DKKL1: variants seen among roughly 807,000 people sequenced by gnomAD.
The protein encoded by DKKL1 is dickkopf-like protein 1.
Under a neutral mutation model 16.5 loss-of-function variants are expected in DKKL1, and 11 were observed. The ratio of observed to expected loss-of-function variants is 0.67; its 90% CI spans 0.42 to 1.10. DKKL1 has a LOEUF of 1.10. DKKL1 is among the 50% of genes least tolerant of loss of function. The probability of loss-of-function intolerance (pLI) is 0.00; values close to 1 mark genes in which losing one functional copy is unlikely to be tolerated. For synonymous variants in DKKL1, 119 were observed against 133.2 expected (o/e 0.89, Z 0.73); for missense variants, 320 against 308.1 (o/e 1.04, Z -0.29).
intron 4 of DKKL1, among the ~76,000 whole-genome samples, chr19:49,367,634 G>A (rs1219904454): frequency 2.0e-5 from 3 of 151,998 alleles, no homozygotes; most frequent in African/African-American, 7.2e-5. Context: ...TTGAACTCCT[G>A]ACCTCAGGTG....
chr19:49,368,816 G>A (rs1973360917), intron 4 of DKKL1: 1 of 152,082 alleles, frequency 6.6e-6, no homozygotes, highest in South Asian at 2.1e-4. Flanking sequence ...AGTACCTTCT[G>A]TGTCCTTGTA....
upstream of DKKL1, chr19:49,363,650 G>T: frequency 2.6e-6 from 1 of 391,514 alleles, no homozygotes; most frequent in Non-Finnish European, 4.9e-6. Flanking sequence ...CCAGGACTGA[G>T]GTCAACTGAC....
Position 49,365,607 on chromosome 19 carries a change from G to A in DKKL1, c.282G>A (p.Gln94=), listed in dbSNP as rs748798280. The A allele has an allele frequency of 1.4e-5, 23 of 1,613,666 alleles. No homozygotes were observed. The highest frequency in any genetic ancestry group is 1.9e-5 in the Non-Finnish European group (23 of 1,179,840). ...ACAAAGAGGAGAACCAGGAGCACCA[G>A]CTGGGGAACAACACCCTCTCCAGCC... The part of the protein sequence containing the change: ...NYHKEENQEH[Q]LGNNTLSSHL... Residue 94 remains glutamine, a synonymous_variant, in exon 3 of 5, where the codon CAG becomes CAA. Coordinates refer to ENST00000221498, the MANE Select transcript of DKKL1 (RefSeq NM_014419.4).
chr19:49,373,848 C>G (rs916691567), intron 4 of DKKL1, among the ~76,000 whole-genome samples: 1 of 152,160 alleles, frequency 6.6e-6, no homozygotes, highest in South Asian at 2.1e-4. Context: ...ACTGATTCAG[C>G]AGGTCTGAGT....
At chr19:49,370,126 A>G (rs1382984344) in intron 4 of DKKL1, 2 of 152,260 alleles carry the variant, frequency 1.3e-5, no homozygotes, top group Non-Finnish European at 2.9e-5. Flanking sequence ...CTGGAAGGAT[A>G]CCAAGCCAGT....
upstream of DKKL1, chr19:49,363,724 T>G (rs1600825607): frequency 5.6e-6 from 3 of 535,368 alleles, no homozygotes. Context: ...GCTTAAGGGG[T>G]GTGGTGAACG....
rs184418744 is a variant in DKKL1, at chr19:49,370,640, A to G, written c.418-4077A>G. Reference sequence around the variant, plus strand: ...GACCTCACCAACGAAAGCTCACATGAGGATGCTCCACTGGATCTGAATGCC... The same window carrying G: ...GACCTCACCAACGAAAGCTCACATGGGGATGCTCCACTGGATCTGAATGCC... On this transcript the variant is annotated intron_variant, in intron 4 of 4. Transcript: ENST00000221498. The G allele has an allele frequency of 2.2e-3, 331 of 152,362 alleles. 2 individuals carry two copies. The highest frequency in any genetic ancestry group is 7.4e-3 in the African/African-American group (308 of 41,590). 9.4% of individuals were successfully genotyped at this position (152,362 alleles called of 1,614,324 possible).
rs1973652949 is a variant in DKKL1, at chr19:49,374,705, C to A, written c.418-12C>A. ...TGGAGTATGAGAGGGTCTCCTTGTT[C>A]TTCCTCCCCAGGTACCCAGGATGGA... On this transcript the variant is annotated splice_polypyrimidine_tract_variant and intron_variant, in intron 4 of 4. Transcript: ENST00000221498. The A allele has an allele frequency of 4.0e-6, 6 of 1,518,166 alleles. No individual in the cohort carries two copies. The highest frequency in any genetic ancestry group is 5.3e-6 in the Non-Finnish European group (6 of 1,132,636). 94.0% of individuals were successfully genotyped at this position (1,518,166 alleles called of 1,614,324 possible). A position where few individuals can be genotyped will look rare whatever the true frequency, so the allele number is the denominator to read the frequency against.
rs372171642 is a variant in DKKL1 at position 49,375,040 on chromosome 19, G to A, written c.*12G>A. 43 of 1,586,024 alleles carry A rather than the reference G, an allele frequency of 2.7e-5. No homozygotes were observed. Among genetic ancestry groups the A allele is most frequent in the East Asian group, 6.8e-5 (3 of 44,336 alleles). On this transcript the variant is annotated 3_prime_UTR_variant, in exon 5 of 5. Transcript: ENST00000221498. Reference sequence around the variant, plus strand: ...CTCGGCAGCTGTAGGGGTGGGGACCGGGGAGCACCTGCCTGTAGCCCCCAT... The same window carrying A: ...CTCGGCAGCTGTAGGGGTGGGGACCAGGGAGCACCTGCCTGTAGCCCCCAT...
In DKKL1 at chr19:49,375,027, AGGGGT is replaced by A. The variant is rs750241925; in HGVS notation, c.*4_*8del. 1.2e-6 allele frequency: 2 copies of A among 1,600,750 alleles called. No individual in the cohort carries two copies. Among genetic ancestry groups the A allele is most frequent in the African/African-American group, 2.7e-5 (2 of 74,732 alleles). On this transcript the variant is annotated stop_retained_variant and 3_prime_UTR_variant, in exon 5 of 5. Transcript: ENST00000221498. ...ATCCTCAGGCCCTCTCGGCAGCTGT[AGGGGT>A]GGGGACCGGGGAGCACCTGCCTGTA...
chr19:49,368,238 G>C (rs573671237), intron 4 of DKKL1, among the ~76,000 whole-genome samples: 1 of 151,844 alleles, frequency 6.6e-6, no homozygotes, highest in Non-Finnish European at 1.5e-5. Context: ...GTTTGAACCC[G>C]GGAGGCAGAG....
At position 49,374,990 on chromosome 19, in the gene DKKL1, C is replaced by G. The variant is rs757767147; in HGVS notation, c.691C>G (p.His231Asp). 3 of 1,613,072 alleles carry G rather than the reference C, an allele frequency of 1.9e-6. No individual in the cohort carries two copies. The South Asian group carries it at 3.3e-5, about 18-fold the overall frequency. ...SHSRLSPRKT[H>D]LLYILRPSRQ... is the part of the protein sequence containing the mutation. ...CTCCAGGCTGTCCCCCCGAAAGACC[C>G]ACTTACTGTACATCCTCAGGCCCTC... Residue 231 changes from histidine to aspartate, a missense_variant, in exon 5 of 5, where the codon CAC becomes GAC. His to Asp is a moderately conservative substitution (Grantham distance 81). Transcript: ENST00000221498.
chr19:49,362,846 C>G (rs1393907161), upstream of DKKL1, among the ~76,000 whole-genome samples: 1 of 151,046 alleles, frequency 6.6e-6, no homozygotes, highest in Non-Finnish European at 1.5e-5. Flanking sequence ...GGAAGTGATA[C>G]GAATACAAAG....
upstream of DKKL1, chr19:49,362,533 A>AT (rs1273274668): frequency 6.7e-6 from 1 of 149,966 alleles, no homozygotes; most frequent in African/African-American, 2.5e-5. Flanking sequence ...TTGGGGAAGG[A>AT]TTTTTGCTTT....
intron 4 of DKKL1, among the ~76,000 whole-genome samples, chr19:49,372,643 G>C (rs957523341): frequency 2.0e-5 from 3 of 149,824 alleles, no homozygotes; most frequent in African/African-American, 7.4e-5. Flanking sequence ...GCAGTGAGCC[G>C]AGATCGTGCC....
chr19:49,363,922 G>T lies in DKKL1; in HGVS notation c.-77G>T. 1 of 1,590,724 alleles carries T rather than the reference G, an allele frequency of 6.3e-7. No individual in the cohort carries two copies. The highest frequency in any genetic ancestry group is 1.3e-5 in the African/African-American group (1 of 74,618). ...AACTGTTTGGCTTTAACAGTACGTGGGCGGCCGGAATCCGGGAGTCCGGTG... is the reference window on the plus strand; with the variant it reads ...AACTGTTTGGCTTTAACAGTACGTGTGCGGCCGGAATCCGGGAGTCCGGTG... On this transcript the variant is annotated 5_prime_UTR_variant, in exon 1 of 5. Transcript: ENST00000221498.
rs1245905257 is a variant in DKKL1 at position 49,364,640 on chromosome 19, C to G, written c.69C>G (p.Thr23=). 1.2e-6 allele frequency: 2 copies of G among 1,613,648 alleles called. No individual in the cohort carries two copies. Among genetic ancestry groups the G allele is most frequent in the Non-Finnish European group, 1.7e-6 (2 of 1,180,036 alleles). ...TGGTCCTGCTGCTGCTCCTCTCTACCCTGGTGATCCCCTCCGCTGCAGCTC... is the reference window on the plus strand; with the variant it reads ...TGGTCCTGCTGCTGCTCCTCTCTACGCTGGTGATCCCCTCCGCTGCAGCTC... ...HLLVLLLLLS[T]LVIPSAAAPI... is the part of the protein sequence containing the mutation. Residue 23 remains threonine, a synonymous_variant, in exon 2 of 5, where the codon ACC becomes ACG. Coordinates refer to ENST00000221498, the MANE Select transcript of DKKL1 (RefSeq NM_014419.4).
chr19:49,360,834 C>A (rs112219113), upstream of DKKL1, among the ~76,000 whole-genome samples: 1,379 of 96,650 alleles, frequency 0.014, 66 homozygotes, highest in African/African-American at 0.062. Flanking sequence ...GAGAAGGGGA[C>A]AGAGACCAGA....
intron 4 of DKKL1, among the ~76,000 whole-genome samples, chr19:49,368,006 T>G (rs1414411637): frequency 1.3e-5 from 2 of 151,972 alleles, no homozygotes; most frequent in Non-Finnish European, 2.9e-5. Flanking sequence ...GGAGTCTTCA[T>G]CTCTACAAAA....
Sources: allele counts gnomAD v4.1 joint callset (sites outside exome capture counted in the v4.1 genomes callset), GRCh38; gene constraint gnomAD v4.1.1; transcripts MANE v1.5; gene names NCBI Gene and HGNC (gene_info 2026-07-23, HGNC 2026-07-21).